Variants in OR56A1 observed in about 807,000 individuals in gnomAD.
OR56A1 encodes olfactory receptor family 56 subfamily A member 1.
For synonymous variants in OR56A1, 174 were observed against 159.1 expected (o/e 1.09, Z -0.70); for missense variants, 360 against 380.9 (o/e 0.94, Z 0.46).
rs1365865815 is a variant in OR56A1, at chr11:6,020,302, G to T, written c.*6446C>A. 1 of 151,994 alleles carries T rather than the reference G, an allele frequency of 6.6e-6. No individual in the cohort carries two copies. The highest frequency in any genetic ancestry group is 2.4e-5 in the African/African-American group (1 of 41,400). The allele number at this position is 151,994 out of a possible 1,614,324, so 9.4% of individuals were successfully genotyped here. A position where few individuals can be genotyped will look rare whatever the true frequency, so the allele number is the denominator to read the frequency against. ...CTTTGGCTATTCAGGCTCTTTTTTG[G>T]TTTCATATGAATTTTAAAATAGTTT... On this transcript the variant is annotated 3_prime_UTR_variant, in exon 2 of 2. Transcript: ENST00000641900.
intron 1 of OR56A1, among the ~76,000 whole-genome samples, chr11:6,029,068 G>C (rs1246128163): frequency 1.3e-5 from 2 of 152,142 alleles, no homozygotes; most frequent in African/African-American, 2.4e-5. Flanking sequence ...TCACTCATAA[G>C]TATGTGTTCA....
chr11:6,028,587 T>C (rs1848480734), intron 1 of OR56A1, among the ~76,000 whole-genome samples: 2 of 152,178 alleles, frequency 1.3e-5, no homozygotes, highest in East Asian at 1.9e-4. Flanking sequence ...GTGAGATACA[T>C]ATTACCCTAG....
upstream of OR56A1, among the ~76,000 whole-genome samples, chr11:6,032,452 T>C (rs74565538): frequency 1.6e-3 from 245 of 152,304 alleles, 2 homozygotes; most frequent in African/African-American, 5.6e-3. Context: ...ACTTTTCCAT[T>C]TGTACATACT....
Position 6,024,579 on chromosome 11 carries a change from C to G in OR56A1, c.*2169G>C, listed in dbSNP as rs1163523798. 6.6e-6 allele frequency: 1 copy of G among 152,132 alleles called. No individual in the cohort carries two copies. Among genetic ancestry groups the G allele is most frequent in the East Asian group, 1.9e-4 (1 of 5,194 alleles). 9.4% of individuals were successfully genotyped at this position (152,132 alleles called of 1,614,324 possible). A position where few individuals can be genotyped will look rare whatever the true frequency, so the allele number is the denominator to read the frequency against. ...CCTATGAATTATATCCTATTAGATT[C>G]CTTTTTAAAAACTCACTTTTATGAT... On this transcript the variant is annotated 3_prime_UTR_variant, in exon 2 of 2. Transcript: ENST00000641900.
rs1365901732 is a variant in OR56A1 at position 6,025,058 on chromosome 11, T to C, written c.*1690A>G. 6.6e-6 allele frequency: 1 copy of C among 152,210 alleles called. No homozygotes were observed. The highest frequency in any genetic ancestry group is 1.9e-4 in the East Asian group (1 of 5,200). 9.4% of individuals were successfully genotyped at this position (152,210 alleles called of 1,614,324 possible). ...TGTGGGGCAGTTGATCTTACTCCTC[T>C]TACCAGCTTCATGTCAATTCCTTCA... On this transcript the variant is annotated 3_prime_UTR_variant, in exon 2 of 2. Transcript: ENST00000641900.
intron 1 of OR56A1, among the ~76,000 whole-genome samples, chr11:6,029,494 A>C (rs1848492523): frequency 2.0e-5 from 3 of 152,082 alleles, no homozygotes; most frequent in Non-Finnish European, 2.9e-5. Flanking sequence ...CTCACCTTAC[A>C]TCCATTCCAC....
upstream of OR56A1, among the ~76,000 whole-genome samples, chr11:6,032,056 T>C (rs1848517955): frequency 6.6e-6 from 1 of 152,136 alleles, no homozygotes; most frequent in South Asian, 2.1e-4. Context: ...CAGTGAATAT[T>C]CATTAAATAT....
Position 6,026,560 on chromosome 11 carries a change from C to T in OR56A1, c.*188G>A, listed in dbSNP as rs571302993. On this transcript the variant is annotated 3_prime_UTR_variant, in exon 2 of 2. Coordinates refer to ENST00000641900, the MANE Select transcript of OR56A1 (RefSeq NM_001388488.1). Reference sequence around the variant, plus strand: ...GTTCAAAGCAGCCACTCAATAAATACGAGTTTCTTCCCCTTGCCTACCTCC... The same window carrying T: ...GTTCAAAGCAGCCACTCAATAAATATGAGTTTCTTCCCCTTGCCTACCTCC... The T allele has an allele frequency of 2.6e-5, 14 of 531,106 alleles. No individual in the cohort carries two copies. Among genetic ancestry groups the T allele is most frequent in the African/African-American group, 1.3e-4 (7 of 52,830 alleles). 32.9% of individuals were successfully genotyped at this position (531,106 alleles called of 1,614,324 possible).
At chr11:6,030,133 T>C (rs915833535) in intron 1 of OR56A1, among the ~76,000 whole-genome samples, 1 of 152,148 alleles carries the variant, frequency 6.6e-6, no homozygotes. Context: ...CTGGAATCCA[T>C]CCACTTCTCC....
chr11:6,029,071 T>C (rs1481036510), intron 1 of OR56A1, among the ~76,000 whole-genome samples: 3 of 152,128 alleles, frequency 2.0e-5, no homozygotes, highest in African/African-American at 7.2e-5. Context: ...CTCATAAGTA[T>C]GTGTTCAAAA....
At chr11:6,031,325 T>C (rs1848510192), upstream of OR56A1, among the ~76,000 whole-genome samples, 1 of 152,084 alleles carries the variant, frequency 6.6e-6, no homozygotes, top group Admixed American at 6.6e-5. Context: ...GAACTAGTCA[T>C]ATGGATGAAA....
At chr11:6,029,154 G>A (rs909279200) in intron 1 of OR56A1, among the ~76,000 whole-genome samples, 2 of 152,122 alleles carry the variant, frequency 1.3e-5, no homozygotes, top group Non-Finnish European at 2.9e-5. Flanking sequence ...GTGAGAGGGG[G>A]TGGATAATGA....
At chr11:6,034,285 G>A (rs1364579966), upstream of OR56A1, 1 of 152,248 alleles carries the variant, frequency 6.6e-6, no homozygotes, top group Non-Finnish European at 1.5e-5. Context: ...GGGACTTACA[G>A]AGGATGCAAA....
Position 6,027,119 on chromosome 11 carries a change from A to T in OR56A1, c.574T>A (p.Cys192Ser). 1 of 1,614,176 alleles carries T rather than the reference A, an allele frequency of 6.2e-7. No individual in the cohort carries two copies. Among genetic ancestry groups the T allele is most frequent in the South Asian group, 1.1e-5 (1 of 91,088 alleles). Reference sequence around the variant, plus strand: ...ATTCTGTTAAGGGTGAAATTATCACAGGAGAGCCTGGACACAGACAAGTTG... The same window carrying T: ...ATTCTGTTAAGGGTGAAATTATCACTGGAGAGCCTGGACACAGACAAGTTG... ...CANLSVSRLS[C>S]DNFTLNRIYQ... is the part of the protein sequence containing the mutation. The change falls in exon 2 of 2, where the codon TGT (cysteine) becomes AGT (serine). Residue 192 changes from cysteine (C) to serine (S), a missense_variant. Cys to Ser is a moderately radical substitution (Grantham distance 112). Transcript: ENST00000641900.
At position 6,027,237 on chromosome 11, in the gene OR56A1, C is replaced by A; in HGVS notation, c.456G>T (p.Val152=). 6.2e-7 allele frequency: 1 copy of A among 1,614,160 alleles called. No homozygotes were observed. Among genetic ancestry groups the A allele is most frequent in the Non-Finnish European group, 8.5e-7 (1 of 1,180,018 alleles). ...QFVAKASVFI[V]VRNALLTAPI... Reference sequence around the variant, plus strand: ...GTGCAGTAAGAAGCGCATTCCGCACCACAATGAAGACACTAGCTTTGGCCA... The same window carrying A: ...GTGCAGTAAGAAGCGCATTCCGCACAACAATGAAGACACTAGCTTTGGCCA... Residue 152 remains valine (V), a synonymous_variant, in exon 2 of 2, where the codon GTG becomes GTT. Coordinates refer to ENST00000641900, the MANE Select transcript of OR56A1 (RefSeq NM_001388488.1).
At chr11:6,027,865 T>C in intron 1 of OR56A1, 139 bp from the exon 2 acceptor site, 1 of 594,008 alleles carries the variant, frequency 1.7e-6, no homozygotes, top group Non-Finnish European at 3.0e-6. Flanking sequence ...ATTCTAAAGG[T>C]AGAATTGTGA....
Position 6,024,326 on chromosome 11 carries a change from T to C in OR56A1, c.*2422A>G, listed in dbSNP as rs1848425950. 6.6e-6 allele frequency: 1 copy of C among 152,188 alleles called. No homozygotes were observed. The highest frequency in any genetic ancestry group is 2.1e-4 in the South Asian group (1 of 4,834). 9.4% of individuals were successfully genotyped at this position (152,188 alleles called of 1,614,324 possible). ...GTTTCTATCCCTATGTACACCCAGT[T>C]TGAGTCAAGCATCTCATAATTGTGT... On this transcript the variant is annotated 3_prime_UTR_variant, in exon 2 of 2. Coordinates refer to ENST00000641900, the MANE Select transcript of OR56A1 (RefSeq NM_001388488.1).
upstream of OR56A1, among the ~76,000 whole-genome samples, chr11:6,032,975 C>A (rs1848526822): frequency 6.6e-6 from 1 of 152,138 alleles, no homozygotes; most frequent in Admixed American, 6.6e-5. Context: ...ATTTTACCAT[C>A]CCTGAGGTAC....
In OR56A1 at chr11:6,024,860, C is replaced by T. The variant is rs988816568; in HGVS notation, c.*1888G>A. 6.6e-5 allele frequency: 10 copies of T among 152,104 alleles called. No individual in the cohort carries two copies. The highest frequency in any genetic ancestry group is 2.4e-4 in the African/African-American group (10 of 41,412). 9.4% of individuals were successfully genotyped at this position (152,104 alleles called of 1,614,324 possible). On this transcript the variant is annotated 3_prime_UTR_variant, in exon 2 of 2. Transcript: ENST00000641900. ...AAATATGACAAATACTGAGTTGAAC[C>T]TGTGGCTCTGGCTTGAGACAATGAG...
Sources: allele counts gnomAD v4.1 joint callset (sites outside exome capture counted in the v4.1 genomes callset), GRCh38; gene constraint gnomAD v4.1.1; transcripts MANE v1.5; gene names NCBI Gene and HGNC (gene_info 2026-07-23, HGNC 2026-07-21).